Variants in KCND2 observed in about 807,000 individuals in gnomAD.
KCND2 encodes the protein potassium voltage-gated channel subfamily D member 2.
KCND2 carries 16 observed loss-of-function variants against 54.4 expected under a neutral mutation model. That is an observed-to-expected ratio of 0.29 (90% CI 0.20 to 0.45). KCND2 has a LOEUF of 0.45. Ranked by LOEUF, KCND2 falls within the 20% of genes least tolerant of loss-of-function variation. The pLI, the probability that KCND2 is intolerant of heterozygous loss-of-function variation, is 1.00. For synonymous variants in KCND2, 317 were observed against 310.7 expected (o/e 1.02, Z -0.21); for missense variants, 486 against 824.2 (o/e 0.59, Z 5.02).
At chr7:120,643,501 G>A (rs751169095) in intron 1 of KCND2, among the ~76,000 whole-genome samples, 38 of 151,962 alleles carry the variant, frequency 2.5e-4, no homozygotes, top group Non-Finnish European at 3.7e-4. Flanking sequence ...ACCATTTAGT[G>A]TTTCATTTTG....
chr7:120,377,080 TG>T (rs753817159), intron 1 of KCND2, among the ~76,000 whole-genome samples: 20 of 151,976 alleles, frequency 1.3e-4, no homozygotes, highest in Admixed American at 2.0e-4. Context: ...CTGAAAAAAT[TG>T]GGTTCAAATT....
intron 1 of KCND2, among the ~76,000 whole-genome samples, chr7:120,305,408 C>T (rs906135991): frequency 2.0e-5 from 3 of 152,026 alleles, no homozygotes; most frequent in African/African-American, 7.2e-5. Context: ...AGACAACCTG[C>T]AATAAAATTA....
intron 1 of KCND2, among the ~76,000 whole-genome samples, chr7:120,452,381 A>G (rs918074879): frequency 1.3e-5 from 2 of 152,226 alleles, no homozygotes; most frequent in Non-Finnish European, 2.9e-5. Context: ...CAAGATAGCC[A>G]ACTAGACACA....
At chr7:120,278,812 C>T (rs1799219543) in intron 1 of KCND2, among the ~76,000 whole-genome samples, 1 of 151,426 alleles carries the variant, frequency 6.6e-6, no homozygotes. Context: ...TAATTTCCTA[C>T]TAAAGTAGGA....
At chr7:120,517,353 C>T (rs897581580) in intron 1 of KCND2, among the ~76,000 whole-genome samples, 4 of 152,002 alleles carry the variant, frequency 2.6e-5, no homozygotes, top group African/African-American at 9.7e-5. Context: ...ATCTTATATT[C>T]TATGACTATT....
intron 1 of KCND2, among the ~76,000 whole-genome samples, chr7:120,367,855 G>A (rs1039621193): frequency 3.3e-5 from 5 of 152,102 alleles, no homozygotes; most frequent in South Asian, 2.1e-4. Flanking sequence ...TAAATATTTC[G>A]TTTTCATTGT....
intron 1 of KCND2, among the ~76,000 whole-genome samples, chr7:120,276,294 A>G (rs1799173164): frequency 6.6e-6 from 1 of 152,202 alleles, no homozygotes; most frequent in African/African-American, 2.4e-5. Context: ...ATATGCACAT[A>G]TTCATATGTA....
chr7:120,300,006 T>G (rs1799563420), intron 1 of KCND2, among the ~76,000 whole-genome samples: 1 of 152,222 alleles, frequency 6.6e-6, no homozygotes, highest in Admixed American at 6.5e-5. Flanking sequence ...ATAGTATATA[T>G]AGCCAGAGCT....
intron 1 of KCND2, among the ~76,000 whole-genome samples, chr7:120,604,439 G>T (rs1394863682): frequency 6.6e-6 from 1 of 150,860 alleles, no homozygotes; most frequent in Admixed American, 6.6e-5. Context: ...GGCAGTGGAG[G>T]TTGTAGTGAG....
intron 2 of KCND2, among the ~76,000 whole-genome samples, chr7:120,733,272 A>C (rs566500045): frequency 1.3e-5 from 2 of 152,222 alleles, no homozygotes; most frequent in South Asian, 2.1e-4. Context: ...CTACAAGTCC[A>C]TTACTTGTCC....
chr7:120,716,247 A>AT (rs2116086275), intron 1 of KCND2, among the ~76,000 whole-genome samples: 1 of 152,208 alleles, frequency 6.6e-6, no homozygotes, highest in South Asian at 2.1e-4. Context: ...TAAGCAGTAA[A>AT]TCAAAAAAAT....
At chr7:120,423,928 A>T (rs1801663755) in intron 1 of KCND2, among the ~76,000 whole-genome samples, 1 of 152,220 alleles carries the variant, frequency 6.6e-6, no homozygotes, top group Admixed American at 6.5e-5. Context: ...AGAGATCCTC[A>T]CAACCTTTGT....
At chr7:120,385,864 C>A (rs776147250) in intron 1 of KCND2, among the ~76,000 whole-genome samples, 1 of 152,082 alleles carries the variant, frequency 6.6e-6, no homozygotes, top group African/African-American at 2.4e-5. Flanking sequence ...GGTTTCCAGC[C>A]GTTCTTCATT....
At chr7:120,475,738 A>G (rs1167212935) in intron 1 of KCND2, among the ~76,000 whole-genome samples, 1 of 152,224 alleles carries the variant, frequency 6.6e-6, no homozygotes, top group Non-Finnish European at 1.5e-5. Context: ...ATAGTAAGCA[A>G]TAGAAAATTA....
intron 1 of KCND2, among the ~76,000 whole-genome samples, chr7:120,305,525 C>T (rs1421474845): frequency 6.6e-6 from 1 of 152,036 alleles, no homozygotes; most frequent in African/African-American, 2.4e-5. Flanking sequence ...CTTTTGCTTC[C>T]CATTCAGTTT....
At chr7:120,623,338 A>G (rs918312720) in intron 1 of KCND2, among the ~76,000 whole-genome samples, 3 of 152,134 alleles carry the variant, frequency 2.0e-5, no homozygotes, top group Non-Finnish European at 4.4e-5. Flanking sequence ...TCCCTTCACC[A>G]TCCCCTATCC....
intron 1 of KCND2, among the ~76,000 whole-genome samples, chr7:120,441,866 TTGTGGGTC>T (rs1206737732): frequency 6.6e-6 from 1 of 152,116 alleles, no homozygotes; most frequent in Non-Finnish European, 1.5e-5. Context: ...TTGGCTATTG[TTGTGGGTC>T]TGTGTGAACT....
intron 1 of KCND2, among the ~76,000 whole-genome samples, chr7:120,568,015 TG>T (rs1348994282): frequency 3.3e-5 from 5 of 152,094 alleles, no homozygotes; most frequent in Non-Finnish European, 1.5e-5. Flanking sequence ...TGTGTGTTTT[TG>T]GTAATAGCCT....
At chr7:120,689,392 T>A (rs1792242581) in intron 1 of KCND2, among the ~76,000 whole-genome samples, 1 of 152,204 alleles carries the variant, frequency 6.6e-6, no homozygotes, top group Non-Finnish European at 1.5e-5. Context: ...GAAATAGATA[T>A]TTAATTTTAT....
Sources: gnomAD v4.1 joint callset for allele counts (sites outside exome capture counted in the v4.1 genomes callset) on GRCh38, gnomAD v4.1.1 for gene constraint, MANE v1.5 for transcripts, NCBI Gene and HGNC (gene_info 2026-07-23, HGNC 2026-07-21) for gene names.